The following SDK1 variants were observed in gnomAD, a reference collection of about 807,000 sequenced individuals.
The protein encoded by SDK1 is protein sidekick-1.
A neutral mutation model predicts 245.5 loss-of-function variants in SDK1; 157 were observed. The observed-to-expected ratio is 0.64, with a 90% CI of 0.56 to 0.73. The LOEUF is 0.73. Ranked by LOEUF, SDK1 falls within the 30% of genes least tolerant of loss-of-function variation. The pLI is 0.00. For missense variants in SDK1, 3,583 were observed against 3,002.3 expected (o/e 1.19, Z -4.52); for synonymous variants, 1,647 against 1,278.5 (o/e 1.29, Z -6.15).
chr7:3,432,351 C>G (rs994997908), intron 1 of SDK1, among the ~76,000 whole-genome samples: 1 of 151,834 alleles, frequency 6.6e-6, no homozygotes, highest in East Asian at 1.9e-4. Context: ...TAGGCAGTTT[C>G]AGTTTATCTG....
rs149649978 is a variant in SDK1 at position 4,190,721 on chromosome 7, T to C, written c.5098+12135T>C. ...CCCCATGCCAGGGAGTATTTCAGAA[T>C]TCACGGCTTCCTTCAGGCTCTCTGC... On this transcript the variant is annotated intron_variant, in intron 35 of 44. Coordinates refer to ENST00000404826, the MANE Select transcript of SDK1 (RefSeq NM_152744.4). Among the ~76,000 whole-genome samples, 1,504 of 152,344 alleles carry C rather than the reference T, an allele frequency of 9.9e-3. 25 individuals carry two copies. Among genetic ancestry groups the C allele is most frequent in the African/African-American group, 0.034 (1,423 of 41,590 alleles).
At chr7:3,544,704 A>G (rs868403785) in intron 1 of SDK1, among the ~76,000 whole-genome samples, 13 of 152,228 alleles carry the variant, frequency 8.5e-5, no homozygotes, top group South Asian at 6.2e-4. Flanking sequence ...AGGATATGCT[A>G]CAGCACTTAC....
At chr7:4,144,911 C>T (rs1323346784) in intron 28 of SDK1, among the ~76,000 whole-genome samples, 1 of 152,194 alleles carries the variant, frequency 6.6e-6, no homozygotes, top group Non-Finnish European at 1.5e-5. Context: ...CGCAGGAGCT[C>T]AGCCGCTGGA....
In SDK1 at chr7:3,373,971, A is replaced by G. The variant is rs192000051; in HGVS notation, c.298+72087A>G. ...GAGGATCTTTAAAAAGTTTGAAAAC[A>G]TGAAGTCATACTTTGTTTTAACATA... is the stretch of plus-strand genomic sequence containing the variant. On this transcript the variant is annotated intron_variant, in intron 1 of 44. Transcript: ENST00000404826. Among the ~76,000 whole-genome samples the G allele has an allele frequency of 5.3e-5, 8 of 152,342 alleles. No homozygotes were observed. The South Asian group carries it at 6.2e-4, about 12-fold the overall frequency.
chr7:3,741,483 A>G (rs1779472692), intron 4 of SDK1, among the ~76,000 whole-genome samples: 2 of 152,206 alleles, frequency 1.3e-5, no homozygotes, highest in African/African-American at 4.8e-5. Context: ...GATTAAAACA[A>G]TTGATTTTTA....
At chr7:3,681,808 A>C (rs1020414523) in intron 4 of SDK1, among the ~76,000 whole-genome samples, 2 of 152,212 alleles carry the variant, frequency 1.3e-5, no homozygotes, top group African/African-American at 2.4e-5. Flanking sequence ...CTTTCCTTTC[A>C]CATGAATTGG....
intron 17 of SDK1, among the ~76,000 whole-genome samples, chr7:4,034,816 C>T (rs1276221151): frequency 1.3e-5 from 2 of 152,110 alleles, no homozygotes; most frequent in African/African-American, 4.8e-5. Context: ...ATGGTATATC[C>T]ACAAGATGGC....
chr7:3,755,341 C>T (rs545548001), intron 4 of SDK1, among the ~76,000 whole-genome samples: 1 of 152,186 alleles, frequency 6.6e-6, no homozygotes, highest in East Asian at 1.9e-4. Flanking sequence ...GCTGACTGTT[C>T]GGTGCCCATG....
At chr7:3,838,221 T>C (rs149503065) in intron 5 of SDK1, among the ~76,000 whole-genome samples, 32 of 152,310 alleles carry the variant, frequency 2.1e-4, no homozygotes, top group African/African-American at 7.2e-4. Flanking sequence ...TCCGGATTAA[T>C]TCATCAGTTA....
chr7:3,712,776 G>T (rs1460556682), intron 4 of SDK1, among the ~76,000 whole-genome samples: 2 of 152,212 alleles, frequency 1.3e-5, no homozygotes, highest in African/African-American at 4.8e-5. Context: ...TTCATTCTGA[G>T]GAAAGGGTCA....
chr7:3,409,711 A>G (rs1169415764), intron 1 of SDK1, among the ~76,000 whole-genome samples: 1 of 151,870 alleles, frequency 6.6e-6, no homozygotes, highest in Non-Finnish European at 1.5e-5. Flanking sequence ...AAGCTAGGTG[A>G]CTGTTGACCC....
At chr7:3,810,758 A>C (rs942084925) in intron 4 of SDK1, among the ~76,000 whole-genome samples, 2 of 152,162 alleles carry the variant, frequency 1.3e-5, no homozygotes, top group Non-Finnish European at 2.9e-5. Context: ...ACATAAACAC[A>C]TGTGGAGAAA....
intron 1 of SDK1, among the ~76,000 whole-genome samples, chr7:3,547,551 A>G (rs767443651): frequency 2.6e-5 from 4 of 152,226 alleles, no homozygotes; most frequent in Non-Finnish European, 5.9e-5. Flanking sequence ...ACCACTGTGC[A>G]GGTTCTGTTT....
At chr7:3,913,791 A>T (rs1321032552) in intron 5 of SDK1, among the ~76,000 whole-genome samples, 2 of 152,186 alleles carry the variant, frequency 1.3e-5, no homozygotes, top group Non-Finnish European at 2.9e-5. Context: ...GGGTAGACAG[A>T]TGCTGACCCC....
chr7:3,457,435 C>T (rs369670565), intron 1 of SDK1, among the ~76,000 whole-genome samples: 2 of 152,240 alleles, frequency 1.3e-5, no homozygotes, highest in African/African-American at 4.8e-5. Context: ...CTTCTTATCT[C>T]CCTTTACCTT....
intron 4 of SDK1, among the ~76,000 whole-genome samples, chr7:3,754,014 A>G (rs1202495946): frequency 1.3e-5 from 2 of 152,218 alleles, no homozygotes; most frequent in African/African-American, 4.8e-5. Context: ...TTGGCTTTCC[A>G]TTCAGGACTT....
At chr7:3,898,115 C>T (rs1189660556) in intron 5 of SDK1, among the ~76,000 whole-genome samples, 2 of 152,160 alleles carry the variant, frequency 1.3e-5, no homozygotes, top group Non-Finnish European at 2.9e-5. Flanking sequence ...ATGTGAACAT[C>T]CATGAATGTA....
At chr7:3,974,183 C>CAAAAA (rs10630472) in intron 12 of SDK1, among the ~76,000 whole-genome samples, 186 bp from the exon 13 acceptor site, 1 of 104,330 alleles carries the variant, frequency 9.6e-6, no homozygotes, top group Non-Finnish European at 1.9e-5. Flanking sequence ...GACTCTGTCT[C>CAAAAA]AAAAAAAAAA....
chr7:3,377,505 A>G (rs1329526687), intron 1 of SDK1, among the ~76,000 whole-genome samples: 1 of 152,118 alleles, frequency 6.6e-6, no homozygotes, highest in Non-Finnish European at 1.5e-5. Flanking sequence ...CACTGCTATC[A>G]TAAGCAGTAC....
Sources: gnomAD v4.1 joint callset for allele counts (sites outside exome capture counted in the v4.1 genomes callset) on GRCh38, gnomAD v4.1.1 for gene constraint, MANE v1.5 for transcripts, NCBI Gene and HGNC (gene_info 2026-07-23, HGNC 2026-07-21) for gene names.